PLS1: variants seen among roughly 807,000 people sequenced by gnomAD.
PLS1 encodes the protein plastin 1, also known as plastin-1.
In PLS1, 32 loss-of-function variants were observed where a neutral mutation model predicts 73.7. The ratio of observed to expected loss-of-function variants is 0.43; its 90% CI spans 0.33 to 0.58. The LOEUF is 0.58. PLS1 is among the 20% of genes least tolerant of loss of function. PLS1 has a pLI of 0.04. For synonymous variants in PLS1, 217 were observed against 261.3 expected (o/e 0.83, Z 1.63); for missense variants, 633 against 740.5 (o/e 0.85, Z 1.68).
At chr3:142,645,655 G>A (rs772509863) in intron 1 of PLS1, 12 of 152,136 alleles carry the variant, frequency 7.9e-5, no homozygotes, top group Non-Finnish European at 1.5e-4. Context: ...TTTAGTGTTG[G>A]TCTTGAGGCA....
intron 14 of PLS1, among the ~76,000 whole-genome samples, chr3:142,709,539 G>A (rs146321967): frequency 2.6e-5 from 4 of 152,274 alleles, no homozygotes; most frequent in East Asian, 1.9e-4. Context: ...AAATGAGGCC[G>A]GGCACAGTGG....
At chr3:142,645,673 T>C (rs1012230614) in intron 1 of PLS1, 1 of 152,222 alleles carries the variant, frequency 6.6e-6, no homozygotes, top group Non-Finnish European at 1.5e-5. Flanking sequence ...GCATTCATTC[T>C]GAATGAGATA....
At chr3:142,624,391 T>C (rs914519567) in intron 1 of PLS1, among the ~76,000 whole-genome samples, 10 of 152,196 alleles carry the variant, frequency 6.6e-5, no homozygotes, top group African/African-American at 2.4e-4. Context: ...GCCAAAAAAC[T>C]CTATATCTTT....
rs1262522532 is a variant in PLS1, at chr3:142,634,690, A to G, written c.-36-29512A>G. ...AAATTAAGGACTTTTTAGACATGTG[A>G]AAACTGAAAGAACTCACCAGCAGCC... On this transcript the variant is annotated intron_variant, in intron 1 of 15. Transcript: ENST00000457734. Among the ~76,000 whole-genome samples, 3 of 152,310 alleles carry G rather than the reference A, an allele frequency of 2.0e-5. No homozygotes were observed. The East Asian group carries it at 5.8e-4, about 29-fold the overall frequency.
chr3:142,685,635 G>T (rs1394368717), intron 8 of PLS1, among the ~76,000 whole-genome samples: 1 of 152,122 alleles, frequency 6.6e-6, no homozygotes, highest in East Asian at 1.9e-4. Context: ...TCAGATAGTT[G>T]GACTTCTTAT....
intron 1 of PLS1, among the ~76,000 whole-genome samples, chr3:142,630,641 C>T (rs907832711): frequency 1.3e-5 from 2 of 151,822 alleles, no homozygotes; most frequent in Non-Finnish European, 2.9e-5. Context: ...ATCCCAGCTA[C>T]TCAGGAGGCT....
chr3:142,615,328 A>T (rs1470669351), intron 1 of PLS1, among the ~76,000 whole-genome samples: 1 of 152,124 alleles, frequency 6.6e-6, no homozygotes, highest in African/African-American at 2.4e-5. Flanking sequence ...GTGTATACAG[A>T]TGATATCATC....
chr3:142,646,177 G>A (rs765160272), intron 1 of PLS1, among the ~76,000 whole-genome samples: 9 of 152,140 alleles, frequency 5.9e-5, no homozygotes, highest in Non-Finnish European at 1.2e-4. Context: ...GTCAATACAT[G>A]TAGTACTTAG....
rs541926224 is a variant in PLS1 at position 142,621,117 on chromosome 3, C to T, written c.-37+24608C>T. ...CATATCTTTTTCTACATAGTTGTTA[C>T]TGAGATCAAATTAAAAATTTTTTCA... On this transcript the variant is annotated intron_variant, in intron 1 of 15. Coordinates refer to ENST00000457734, the MANE Select transcript of PLS1 (RefSeq NM_001145319.2). Among the ~76,000 whole-genome samples, 39 of 152,264 alleles carry T rather than the reference C, an allele frequency of 2.6e-4. No homozygotes were observed. In the South Asian group the frequency reaches 5.6e-3, roughly 22 times the overall value.
At chr3:142,648,783 G>A in intron 1 of PLS1, among the ~76,000 whole-genome samples, 1 of 152,130 alleles carries the variant, frequency 6.6e-6, no homozygotes, top group East Asian at 1.9e-4. Context: ...TGAATTGTCT[G>A]CCATACATCC....
chr3:142,632,597 AT>A (rs71153982), intron 1 of PLS1, among the ~76,000 whole-genome samples: 94 of 145,172 alleles, frequency 6.5e-4, no homozygotes, highest in Middle Eastern at 3.6e-3. Context: ...TTAGAGCAGG[AT>A]TTTTTTTTTT....
chr3:142,685,299 C>T (rs1560068334), intron 8 of PLS1, among the ~76,000 whole-genome samples: 1 of 152,230 alleles, frequency 6.6e-6, no homozygotes, highest in Non-Finnish European at 1.5e-5. Context: ...TGCAAAGACT[C>T]AGCTCTTGAG....
intron 1 of PLS1, among the ~76,000 whole-genome samples, chr3:142,601,196 A>G (rs2035922317): frequency 6.6e-6 from 1 of 151,058 alleles, no homozygotes; most frequent in Admixed American, 6.6e-5. Context: ...AAGTGCTGGG[A>G]TTACAAGCAT....
At chr3:142,698,498 G>A (rs1336415707) in intron 12 of PLS1, 1 of 151,904 alleles carries the variant, frequency 6.6e-6, no homozygotes, top group African/African-American at 2.4e-5. Flanking sequence ...AATAAATTAG[G>A]GAAATATGTG....
rs926782169 is a variant in PLS1 at position 142,629,440 on chromosome 3, A to G, written c.-37+32931A>G. On this transcript the variant is annotated intron_variant, in intron 1 of 15. Transcript: ENST00000457734. ...CTGGTCTCGAACTCCTGACCTCATG[A>G]TCCACCCGCCTCGGCCTCCCAAAGT... Among the ~76,000 whole-genome samples, 5 of 152,240 alleles carry G rather than the reference A, an allele frequency of 3.3e-5. No individual in the cohort carries two copies. In the East Asian group the frequency reaches 9.6e-4, roughly 29 times the overall value.
At chr3:142,605,658 T>C (rs2036004812) in intron 1 of PLS1, among the ~76,000 whole-genome samples, 1 of 152,224 alleles carries the variant, frequency 6.6e-6, no homozygotes, top group South Asian at 2.1e-4. Flanking sequence ...ATTCATATTT[T>C]CTTCTGTTAC....
At chr3:142,603,770 A>C (rs1353274908) in intron 1 of PLS1, among the ~76,000 whole-genome samples, 2 of 23,596 alleles carry the variant, frequency 8.5e-5, no homozygotes, top group Non-Finnish European at 9.5e-5. Context: ...ACCCTGCCTC[A>C]AAAAAAAAAA....
intron 1 of PLS1, among the ~76,000 whole-genome samples, chr3:142,661,625 A>G (rs1057357683): frequency 3.3e-5 from 5 of 152,358 alleles, no homozygotes; most frequent in East Asian, 3.9e-4. Context: ...CTGAAAAATT[A>G]GGGATGATAT....
rs185313391 is a variant in PLS1, at chr3:142,613,906, C to T, written c.-37+17397C>T. On this transcript the variant is annotated intron_variant, in intron 1 of 15. Coordinates refer to ENST00000457734, the MANE Select transcript of PLS1 (RefSeq NM_001145319.2). ...ACAGGGTCTTTCCAAAAACAACATACTTTTATTTGCTTTATGTATAATTAA... is the reference window on the plus strand; with the variant it reads ...ACAGGGTCTTTCCAAAAACAACATATTTTTATTTGCTTTATGTATAATTAA... 2.2e-4 allele frequency among the ~76,000 whole-genome samples: 34 copies of T among 152,262 alleles called. 1 individual carries two copies. Among genetic ancestry groups the T allele is most frequent in the Admixed American group, 1.6e-3 (25 of 15,284 alleles).
Sources: gnomAD v4.1 joint callset for allele counts (sites outside exome capture counted in the v4.1 genomes callset) on GRCh38, gnomAD v4.1.1 for gene constraint, MANE v1.5 for transcripts, NCBI Gene and HGNC (gene_info 2026-07-23, HGNC 2026-07-21) for gene names.